MED13: variants seen among roughly 807,000 people sequenced by gnomAD.
MED13 encodes mediator of RNA polymerase II transcription subunit 13.
In MED13, 23 loss-of-function variants were observed where a neutral mutation model predicts 225.2. The observed-to-expected ratio is 0.10, with a 90% CI of 0.07 to 0.14. The LOEUF (loss-of-function observed/expected upper bound fraction) is 0.14, where lower values mean the gene tolerates loss of function less well. Ranked by LOEUF, MED13 falls within the 10% of genes least tolerant of loss-of-function variation. MED13 has a pLI of 1.00. For synonymous variants in MED13, 942 were observed against 889.2 expected, an observed-to-expected ratio of 1.06 and a Z score of -1.06; for missense variants, 2,197 against 2,594.5, an observed-to-expected ratio of 0.85 and a Z score of 3.33.
At chr17:62,004,888 C>T (rs1342268039) in intron 9 of MED13, 4 of 146,336 alleles carry the variant, frequency 2.7e-5, no homozygotes, top group African/African-American at 1.0e-4. Flanking sequence ...GTTTCTAAGA[C>T]ATCATTTACT....
At chr17:61,972,909 A>G (rs1481310483) in intron 16 of MED13, 21 bp from the exon 17 acceptor site, 2 of 1,564,870 alleles carry the variant, frequency 1.3e-6, no homozygotes, top group East Asian at 2.2e-5. Context: ...TTTAAAAAAA[A>G]CAAGTAATTA....
intron 9 of MED13, among the ~76,000 whole-genome samples, chr17:62,001,566 A>T (rs538546090): frequency 6.6e-6 from 1 of 152,296 alleles, no homozygotes; most frequent in East Asian, 1.9e-4. Flanking sequence ...CTATTCTGCT[A>T]TTCCATTCTA....
chr17:62,063,333 T>C (rs763406880), intron 1 of MED13, 32 bp from the exon 2 acceptor site: 1 of 1,442,604 alleles, frequency 6.9e-7, no homozygotes. Flanking sequence ...GTTTTATTAC[T>C]GCATATTCAC....
intron 28 of MED13, among the ~76,000 whole-genome samples, chr17:61,949,846 CTAA>C (rs1034123003): frequency 1.7e-4 from 26 of 152,026 alleles, no homozygotes; most frequent in Non-Finnish European, 2.9e-4. Context: ...CCACGCCTGG[CTAA>C]TTTTTTTGTA....
intron 3 of MED13, among the ~76,000 whole-genome samples, chr17:62,039,587 ATTTTTTTTTTTT>A (rs57066822): frequency 2.7e-5 from 3 of 109,364 alleles, no homozygotes; most frequent in Middle Eastern, 6.1e-3. Flanking sequence ...CCCAGCCAAG[ATTTTTTTTTTTT>A]TTTTTTTTTT....
At position 62,015,900 on chromosome 17, in the gene MED13, CAT is replaced by C. The variant is rs1442339831; in HGVS notation, c.1284-4669_1284-4668del. On this transcript the variant is annotated intron_variant, in intron 8 of 29. Transcript: ENST00000397786. Reference sequence around the variant, plus strand: ...GTGTATATATATACACACACACACACATACACACTATACACATATATATATAT... The same window carrying C: ...GTGTATATATATACACACACACACACACACACTATACACATATATATATAT... 1.7e-3 allele frequency among the ~76,000 whole-genome samples: 137 copies of C among 80,016 alleles called. 4 individuals carry two copies. The East Asian group carries it at 0.019, about 11-fold the overall frequency. The allele number at this position is 80,016 out of a possible 152,430, so 52.5% of individuals were successfully genotyped here.
chr17:61,981,666 T>C (rs1272331680), intron 16 of MED13, among the ~76,000 whole-genome samples: 1 of 152,250 alleles, frequency 6.6e-6, no homozygotes, highest in Non-Finnish European at 1.5e-5. Flanking sequence ...ATCTCCTCAG[T>C]AGTATCTTAT....
intron 2 of MED13, among the ~76,000 whole-genome samples, chr17:62,061,991 G>A (rs767347302): frequency 1.7e-4 from 26 of 152,098 alleles, no homozygotes; most frequent in Non-Finnish European, 2.8e-4. Context: ...AATGTAACAC[G>A]TACATTCCTA....
At position 61,963,077 on chromosome 17, in the gene MED13, G is replaced by A. The variant is rs559835506; in HGVS notation, c.4845-106C>T. 10 of 816,786 alleles carry A rather than the reference G, an allele frequency of 1.2e-5. No individual in the cohort carries two copies. The East Asian group carries it at 2.3e-4, about 19-fold the overall frequency. The allele number at this position is 816,786 out of a possible 1,614,324, so 50.6% of individuals were successfully genotyped here. ...CCTCCTCCCTCTTTTTTGGTGAAAG[G>A]TGTCAGAAAGCCTCTCTAAAAATGA... On this transcript the variant is annotated intron_variant, in intron 20 of 29. Coordinates refer to ENST00000397786, the MANE Select transcript of MED13 (RefSeq NM_005121.3).
intron 16 of MED13, among the ~76,000 whole-genome samples, chr17:61,974,086 T>C (rs919546705): frequency 1.3e-5 from 2 of 152,200 alleles, no homozygotes; most frequent in Non-Finnish European, 2.9e-5. Flanking sequence ...AACTTTTGTA[T>C]ACATAGTAGA....
At chr17:61,984,520 C>A in intron 14 of MED13, 131 bp downstream of exon 14, 2 of 938,022 alleles carry the variant, frequency 2.1e-6, no homozygotes, top group Non-Finnish European at 3.1e-6. Context: ...TTAATAGTGA[C>A]AACAATAATT....
chr17:62,012,947 C>T (rs1217896922), intron 8 of MED13, among the ~76,000 whole-genome samples: 1 of 151,996 alleles, frequency 6.6e-6, no homozygotes, highest in Non-Finnish European at 1.5e-5. Flanking sequence ...CGTGCACCAC[C>T]ACACCTAGCT....
intron 16 of MED13, among the ~76,000 whole-genome samples, chr17:61,977,828 C>G (rs2080170198): frequency 6.6e-6 from 1 of 151,890 alleles, no homozygotes; most frequent in African/African-American, 2.4e-5. Flanking sequence ...TGGTCTCAAG[C>G]AATACTCCCG....
intron 19 of MED13, 33 bp from the exon 20 acceptor site, chr17:61,965,501 C>G: frequency 6.5e-7 from 1 of 1,545,832 alleles, no homozygotes; most frequent in Middle Eastern, 1.7e-4. Flanking sequence ...AAATTTAATT[C>G]TTTATTTCAC....
chr17:62,008,016 CAAAAAAA>C lies in MED13; in HGVS notation c.1967+2527_1967+2533del. 4.0e-5 allele frequency among the ~76,000 whole-genome samples: 2 copies of C among 50,508 alleles called. 1 individual carries two copies. The highest frequency in any genetic ancestry group is 2.2e-3 in the South Asian group (2 of 916). 33.1% of individuals were successfully genotyped at this position (50,508 alleles called of 152,430 possible). On this transcript the variant is annotated intron_variant, in intron 9 of 29. Coordinates refer to ENST00000397786, the MANE Select transcript of MED13 (RefSeq NM_005121.3). The stretch of plus-strand genomic sequence containing the variant: ...CCTGGAGGAAAGAGCGAGACTGTCT[CAAAAAAA>C]AAAAAAAAAAAAAGCTGTGCGCAGT...
intron 2 of MED13, among the ~76,000 whole-genome samples, chr17:62,058,651 T>C (rs2143776626): frequency 6.6e-6 from 1 of 152,168 alleles, no homozygotes; most frequent in East Asian, 1.9e-4. Context: ...CTATAGAGGA[T>C]AAAGCAAAAA....
At chr17:62,023,542 G>T (rs1243983896) in intron 8 of MED13, among the ~76,000 whole-genome samples, 1 of 152,166 alleles carries the variant, frequency 6.6e-6, no homozygotes, top group African/African-American at 2.4e-5. Flanking sequence ...GCTCAAAAAG[G>T]GACTGGGGAA....
At chr17:62,042,845 T>C (rs1005372370) in intron 3 of MED13, among the ~76,000 whole-genome samples, 2 of 151,334 alleles carry the variant, frequency 1.3e-5, no homozygotes, top group South Asian at 2.1e-4. Flanking sequence ...GTAAGAATTA[T>C]AGAAAGAAAT....
chr17:61,965,423 T>G lies in MED13; in HGVS notation c.4427A>C (p.Gln1476Pro), dbSNP rs1567947325. 3 of 1,614,170 alleles carry G rather than the reference T, an allele frequency of 1.9e-6. No homozygotes were observed. The East Asian group carries it at 6.7e-5, about 36-fold the overall frequency. The change falls in exon 20 of 30, where the codon CAG (glutamine) becomes CCG (proline). Residue 1476 changes from glutamine (Q) to proline (P), a missense_variant. Physicochemically the swap from Gln to Pro is moderately conservative, Grantham distance 76. Coordinates refer to ENST00000397786, the MANE Select transcript of MED13 (RefSeq NM_005121.3). ...SLPLDSSLLS[Q>P]PNLVAPTSQS... ...ACTTGTAGGGGCAACTAAATTTGGCTGGGAAAGTAGAGAGCTGTCCAATGG... is the reference window on the plus strand; with the variant it reads ...ACTTGTAGGGGCAACTAAATTTGGCGGGGAAAGTAGAGAGCTGTCCAATGG...
Sources: allele counts gnomAD v4.1 joint callset (sites outside exome capture counted in the v4.1 genomes callset), GRCh38; gene constraint gnomAD v4.1.1; transcripts MANE v1.5; gene names NCBI Gene and HGNC (gene_info 2026-07-23, HGNC 2026-07-21).